Variants in C11orf87 observed in about 807,000 individuals in gnomAD.
C11orf87 encodes the protein chromosome 11 open reading frame 87.
C11orf87 carries 3 observed loss-of-function variants against 9.2 expected under a neutral mutation model. The ratio of observed to expected loss-of-function variants is 0.33; its 90% confidence interval spans 0.15 to 0.84. The LOEUF is 0.84. Ranked by LOEUF, C11orf87 falls within the 40% of genes least tolerant of loss-of-function variation. The probability of loss-of-function intolerance (pLI) is 0.55; values close to 1 mark genes in which losing one functional copy is unlikely to be tolerated. For missense variants in C11orf87, 256 were observed against 270.7 expected, an observed-to-expected ratio of 0.95 and a Z score of 0.38; for synonymous variants, 124 against 124.6, an observed-to-expected ratio of 1.00 and a Z score of 0.03.
chr11:109,429,097 A>G lies in C11orf87; in HGVS notation c.*4870A>G, dbSNP rs1565252470. ...ATTTTGTTTTGCTTTTCTATCAATA[A>G]AAGAGTTTTCTTGTTAATTGGCTTT... is the stretch of plus-strand genomic sequence containing the variant. On this transcript the variant is annotated 3_prime_UTR_variant, in exon 2 of 2. Transcript: ENST00000327419. 6.6e-6 allele frequency: 1 copy of G among 152,198 alleles called. No homozygotes were observed. The highest frequency in any genetic ancestry group is 1.5e-5 in the Non-Finnish European group (1 of 68,014). 9.4% of individuals were successfully genotyped at this position (152,198 alleles called of 1,614,324 possible). A position where few individuals can be genotyped will look rare whatever the true frequency, so the allele number is the denominator to read the frequency against.
intron 1 of C11orf87, 86 bp downstream of exon 1, chr11:109,422,349 T>C: frequency 6.1e-6 from 1 of 164,704 alleles, no homozygotes; most frequent in South Asian, 1.4e-4. Context: ...TCACGCGGCC[T>C]GAGCAGCCAC....
In C11orf87 at chr11:109,423,107, C is replaced by T. The variant is rs1200546770; in HGVS notation, c.-259-268C>T. Among the ~76,000 whole-genome samples the T allele has an allele frequency of 6.6e-6, 1 of 152,042 alleles. No homozygotes were observed. Among genetic ancestry groups the T allele is most frequent in the Non-Finnish European group, 1.5e-5 (1 of 67,998 alleles). ...GTTGCAATTATAAAGTTGTGAAGGGCGGAAGGGAGGCTGCCTTATCTGCTG... is the reference window on the plus strand; with the variant it reads ...GTTGCAATTATAAAGTTGTGAAGGGTGGAAGGGAGGCTGCCTTATCTGCTG... On this transcript the variant is annotated intron_variant, in intron 1 of 1. Transcript: ENST00000327419. This position sits in a 1 kb window ranked among gnomAD's most constrained non-coding sequence, Gnocchi z 5.3.
Position 109,424,155 on chromosome 11 carries a change from A to G in C11orf87, c.522A>G (p.Gln174=), listed in dbSNP as rs1318227586. The G allele has an allele frequency of 2.5e-6, 4 of 1,614,088 alleles. No homozygotes were observed. Among genetic ancestry groups the G allele is most frequent in the East Asian group, 2.2e-5 (1 of 44,854 alleles). Residue 174 remains glutamine, a synonymous_variant, in exon 2 of 2, where the codon CAA becomes CAG. Transcript: ENST00000327419. The surrounding 1 kb of genome is among the most constrained non-coding windows in gnomAD (Gnocchi z 4.7). ...CTCCACCGCCAGCCTCCAGTCCCCAAGGAGCACACGCAGCTTCCTCCTGTT... is the reference window on the plus strand; with the variant it reads ...CTCCACCGCCAGCCTCCAGTCCCCAGGGAGCACACGCAGCTTCCTCCTGTT... ...PPPPPPASSP[Q]GAHAASSCLD...
At position 109,424,375 on chromosome 11, in the gene C11orf87, C is replaced by T. The variant is rs1211760063; in HGVS notation, c.*148C>T. Reference sequence around the variant, plus strand: ...TGCCCTCCCCTTACTCTTGTTTCTCCTCCGCCGAGGCACTGTGCGGTATTT... The same window carrying T: ...TGCCCTCCCCTTACTCTTGTTTCTCTTCCGCCGAGGCACTGTGCGGTATTT... On this transcript the variant is annotated 3_prime_UTR_variant, in exon 2 of 2. Coordinates refer to ENST00000327419, the MANE Select transcript of C11orf87 (RefSeq NM_207645.4). This position sits in a 1 kb window ranked among gnomAD's most constrained non-coding sequence, Gnocchi z 4.7. 3 of 653,202 alleles carry T rather than the reference C, an allele frequency of 4.6e-6. No individual in the cohort carries two copies. In the African/African-American group the frequency reaches 5.5e-5, roughly 12 times the overall value. 40.5% of individuals were successfully genotyped at this position (653,202 alleles called of 1,614,324 possible). A position where few individuals can be genotyped will look rare whatever the true frequency, so the allele number is the denominator to read the frequency against.
At position 109,424,048 on chromosome 11, in the gene C11orf87, C is replaced by T. The variant is rs888032601; in HGVS notation, c.415C>T (p.Pro139Ser). 1 of 1,613,994 alleles carries T rather than the reference C, an allele frequency of 6.2e-7. No individual in the cohort carries two copies. The highest frequency in any genetic ancestry group is 1.1e-5 in the South Asian group (1 of 91,082). ...GCTGGAGAGGCAGCCCCGGGACTCT[C>T]CCTTCTGCGCCCCTTCCAACGCCTC... Reference protein sequence around the residue: ...TRLERQPRDSPFCAPSNASSL... With the variant: ...TRLERQPRDSSFCAPSNASSL... The change falls in exon 2 of 2, where the codon CCC (proline) becomes TCC (serine). Residue 139 changes from proline to serine, a missense_variant. Physicochemically the swap from Pro to Ser is moderately conservative, Grantham distance 74. Coordinates refer to ENST00000327419, the MANE Select transcript of C11orf87 (RefSeq NM_207645.4). This position sits in a 1 kb window ranked among gnomAD's most constrained non-coding sequence, Gnocchi z 4.7.
chr11:109,423,356 A>T lies in C11orf87; in HGVS notation c.-259-19A>T. The T allele has an allele frequency of 1.9e-6, 1 of 521,846 alleles. No individual in the cohort carries two copies. Among genetic ancestry groups the T allele is most frequent in the Non-Finnish European group, 3.4e-6 (1 of 297,062 alleles). The allele number at this position is 521,846 out of a possible 1,614,324, so 32.3% of individuals were successfully genotyped here. Reference sequence around the variant, plus strand: ...CTGGGCAGCGGCCGAGATTCTAACTAAGCTTTGTGTCTTTGCAGCCTGGTG... The same window carrying T: ...CTGGGCAGCGGCCGAGATTCTAACTTAGCTTTGTGTCTTTGCAGCCTGGTG... On this transcript the variant is annotated intron_variant, in intron 1 of 1. Coordinates refer to ENST00000327419, the MANE Select transcript of C11orf87 (RefSeq NM_207645.4). The surrounding 1 kb of genome is among the most constrained non-coding windows in gnomAD (Gnocchi z 5.3).
At position 109,424,058 on chromosome 11, in the gene C11orf87, C is replaced by T. The variant is rs764493462; in HGVS notation, c.425C>T (p.Ala142Val). ...ERQPRDSPFC[A>V]PSNASSLSSS... ...CAGCCCCGGGACTCTCCCTTCTGCG[C>T]CCCTTCCAACGCCTCGTCGTTGTCC... The change falls in exon 2 of 2, where the codon GCC (alanine) becomes GTC (valine). Residue 142 changes from alanine to valine, a missense_variant. Ala to Val is a moderately conservative substitution (Grantham distance 64). Transcript: ENST00000327419. The surrounding 1 kb of genome is among the most constrained non-coding windows in gnomAD (Gnocchi z 4.7). 3 of 1,613,980 alleles carry T rather than the reference C, an allele frequency of 1.9e-6. No individual in the cohort carries two copies. The South Asian group carries it at 3.3e-5, about 18-fold the overall frequency.
rs1416235313 is a variant in C11orf87 at position 109,427,639 on chromosome 11, G to C, written c.*3412G>C. ...AAACTAAATGCTTCAAACCCCTATAGCTACAGCTTAACTTCTGCACTTGCT... is the reference window on the plus strand; with the variant it reads ...AAACTAAATGCTTCAAACCCCTATACCTACAGCTTAACTTCTGCACTTGCT... On this transcript the variant is annotated 3_prime_UTR_variant, in exon 2 of 2. Coordinates refer to ENST00000327419, the MANE Select transcript of C11orf87 (RefSeq NM_207645.4). 2.0e-5 allele frequency: 3 copies of C among 152,082 alleles called. No individual in the cohort carries two copies. Among genetic ancestry groups the C allele is most frequent in the African/African-American group, 7.2e-5 (3 of 41,424 alleles). The allele number at this position is 152,082 out of a possible 1,614,324, so 9.4% of individuals were successfully genotyped here. A position where few individuals can be genotyped will look rare whatever the true frequency, so the allele number is the denominator to read the frequency against.
chr11:109,425,296 AAAG>A lies in C11orf87; in HGVS notation c.*1070_*1072del, dbSNP rs1374770792. ...AAGTTACCTTTTTTGTAAAAAAAAA[AAAG>A]TATTAGGTGATGTGCAGTACTGAAA... On this transcript the variant is annotated 3_prime_UTR_variant, in exon 2 of 2. Coordinates refer to ENST00000327419, the MANE Select transcript of C11orf87 (RefSeq NM_207645.4). The A allele has an allele frequency of 1.2e-5, 2 of 167,060 alleles. No homozygotes were observed. Among genetic ancestry groups the A allele is most frequent in the Non-Finnish European group, 2.9e-5 (2 of 68,128 alleles). The allele number at this position is 167,060 out of a possible 1,614,324, so 10.3% of individuals were successfully genotyped here. A position where few individuals can be genotyped will look rare whatever the true frequency, so the allele number is the denominator to read the frequency against.
At position 109,428,519 on chromosome 11, in the gene C11orf87, G is replaced by A. The variant is rs1860601809; in HGVS notation, c.*4292G>A. The A allele has an allele frequency of 6.6e-6, 1 of 152,088 alleles. No homozygotes were observed. The highest frequency in any genetic ancestry group is 1.5e-5 in the Non-Finnish European group (1 of 67,970). The allele number at this position is 152,088 out of a possible 1,614,324, so 9.4% of individuals were successfully genotyped here. A position where few individuals can be genotyped will look rare whatever the true frequency, so the allele number is the denominator to read the frequency against. Reference sequence around the variant, plus strand: ...TATTATGTGGAAGTTACAGGTTAAAGTAGAACCAGAAATTTTAATATAATC... The same window carrying A: ...TATTATGTGGAAGTTACAGGTTAAAATAGAACCAGAAATTTTAATATAATC... On this transcript the variant is annotated 3_prime_UTR_variant, in exon 2 of 2. Transcript: ENST00000327419.
Position 109,424,111 on chromosome 11 carries a change from G to A in C11orf87, c.478G>A (p.Gly160Ser), listed in dbSNP as rs149383935. 7.2e-4 allele frequency: 1,167 copies of A among 1,613,714 alleles called. 1 individual carries two copies. The highest frequency in any genetic ancestry group is 1.1e-3 in the Admixed American group (68 of 60,008). ...SSSSPGLPCQ[G>S]PCAPPPPPPA... ...TTCGTCCCCTGGCCTCCCGTGCCAGGGTCCCTGTGCTCCTCCGCCTCCACC... is the reference window on the plus strand; with the variant it reads ...TTCGTCCCCTGGCCTCCCGTGCCAGAGTCCCTGTGCTCCTCCGCCTCCACC... The change falls in exon 2 of 2, where the codon GGT (glycine) becomes AGT (serine). Residue 160 changes from glycine (G) to serine (S), a missense_variant. Physicochemically the swap from Gly to Ser is moderately conservative, Grantham distance 56. Transcript: ENST00000327419. This position sits in a 1 kb window ranked among gnomAD's most constrained non-coding sequence, Gnocchi z 4.7.
At position 109,424,071 on chromosome 11, in the gene C11orf87, C is replaced by T. The variant is rs1860536451; in HGVS notation, c.438C>T (p.Ala146=). The part of the protein sequence containing the change: ...RDSPFCAPSN[A]SSLSSSSPGL... Reference sequence around the variant, plus strand: ...CTCCCTTCTGCGCCCCTTCCAACGCCTCGTCGTTGTCCTCTTCGTCCCCTG... The same window carrying T: ...CTCCCTTCTGCGCCCCTTCCAACGCTTCGTCGTTGTCCTCTTCGTCCCCTG... The change falls in exon 2 of 2, where the codon GCC becomes GCT. Residue 146 remains alanine (A), a synonymous_variant. Transcript: ENST00000327419. This position sits in a 1 kb window ranked among gnomAD's most constrained non-coding sequence, Gnocchi z 4.7. 3 of 1,613,858 alleles carry T rather than the reference C, an allele frequency of 1.9e-6. No individual in the cohort carries two copies. Among genetic ancestry groups the T allele is most frequent in the African/African-American group, 1.3e-5 (1 of 74,940 alleles).
In C11orf87 at chr11:109,426,429, A is replaced by C. The variant is rs1176659244; in HGVS notation, c.*2202A>C. The C allele has an allele frequency of 6.6e-6, 1 of 152,260 alleles. No homozygotes were observed. Among genetic ancestry groups the C allele is most frequent in the Non-Finnish European group, 1.5e-5 (1 of 68,044 alleles). The allele number at this position is 152,260 out of a possible 1,614,324, so 9.4% of individuals were successfully genotyped here. ...CTCAGTTTGCATCTTTTATAAAAAT[A>C]ATTTAATAAACTTAATTTTAATCAC... is the stretch of plus-strand genomic sequence containing the variant. On this transcript the variant is annotated 3_prime_UTR_variant, in exon 2 of 2. Transcript: ENST00000327419.
Position 109,423,823 on chromosome 11 carries a change from C to G in C11orf87, c.190C>G (p.Leu64Val). 1.2e-6 allele frequency: 2 copies of G among 1,614,150 alleles called. No individual in the cohort carries two copies. Among genetic ancestry groups the G allele is most frequent in the Non-Finnish European group, 1.7e-6 (2 of 1,179,982 alleles). Residue 64 changes from leucine to valine, a missense_variant, in exon 2 of 2, where the codon CTG (leucine) becomes GTG (valine). By Grantham distance (32) the Leu-to-Val change is conservative. Coordinates refer to ENST00000327419, the MANE Select transcript of C11orf87 (RefSeq NM_207645.4). The surrounding 1 kb of genome is among the most constrained non-coding windows in gnomAD (Gnocchi z 5.3). ...CCAGTCCTTCTCCTCCACGCTGGTG[C>G]TGATTGTCCTGGTTACCCTCATCTT... The part of the protein sequence containing the change: ...LFQSFSSTLV[L>V]IVLVTLIFCL...
In C11orf87 at chr11:109,425,558, C is replaced by G. The variant is rs752510557; in HGVS notation, c.*1331C>G. On this transcript the variant is annotated 3_prime_UTR_variant, in exon 2 of 2. Coordinates refer to ENST00000327419, the MANE Select transcript of C11orf87 (RefSeq NM_207645.4). ...CTGTTTCCAGAAGTGTTCTTTTGTA[C>G]CTTATTCTGTAGTAGACTGTTATAA... 6.0e-6 allele frequency: 1 copy of G among 166,960 alleles called. No homozygotes were observed. The highest frequency in any genetic ancestry group is 6.5e-5 in the Admixed American group (1 of 15,286). The allele number at this position is 166,960 out of a possible 1,614,324, so 10.3% of individuals were successfully genotyped here. A position where few individuals can be genotyped will look rare whatever the true frequency, so the allele number is the denominator to read the frequency against.
chr11:109,424,314 C>T lies in C11orf87; in HGVS notation c.*87C>T. 9.3e-7 allele frequency: 1 copy of T among 1,073,808 alleles called. No individual in the cohort carries two copies. Among genetic ancestry groups the T allele is most frequent in the Non-Finnish European group, 1.4e-6 (1 of 731,286 alleles). The allele number at this position is 1,073,808 out of a possible 1,614,324, so 66.5% of individuals were successfully genotyped here. A position where few individuals can be genotyped will look rare whatever the true frequency, so the allele number is the denominator to read the frequency against. On this transcript the variant is annotated 3_prime_UTR_variant, in exon 2 of 2. Transcript: ENST00000327419. This position sits in a 1 kb window ranked among gnomAD's most constrained non-coding sequence, Gnocchi z 4.7. The stretch of plus-strand genomic sequence containing the variant: ...CCTTCTTCCTTCCTTTTCCATTTTC[C>T]TCTGGCCCCTCTTTCCTCTTCCTGG...
In C11orf87 at chr11:109,425,044, A is replaced by G. The variant is rs1256304391; in HGVS notation, c.*817A>G. 2 of 160,190 alleles carry G rather than the reference A, an allele frequency of 1.2e-5. No individual in the cohort carries two copies. Among genetic ancestry groups the G allele is most frequent in the African/African-American group, 2.6e-5 (1 of 38,396 alleles). The allele number at this position is 160,190 out of a possible 1,614,324, so 9.9% of individuals were successfully genotyped here. On this transcript the variant is annotated 3_prime_UTR_variant, in exon 2 of 2. Coordinates refer to ENST00000327419, the MANE Select transcript of C11orf87 (RefSeq NM_207645.4). ...CATTCCCTGCCCCGCCCCCACCCGT[A>G]CACCTTTGACTTGTGACATTTTCAG...
chr11:109,426,347 C>A lies in C11orf87; in HGVS notation c.*2120C>A, dbSNP rs879124792. Reference sequence around the variant, plus strand: ...TCTACTTGGTCCAGACATATGTGCTCTTATCCAGAGGAAACATTACCTCTA... The same window carrying A: ...TCTACTTGGTCCAGACATATGTGCTATTATCCAGAGGAAACATTACCTCTA... On this transcript the variant is annotated 3_prime_UTR_variant, in exon 2 of 2. Transcript: ENST00000327419. The A allele has an allele frequency of 6.6e-6, 1 of 152,222 alleles. No individual in the cohort carries two copies. Among genetic ancestry groups the A allele is most frequent in the Non-Finnish European group, 1.5e-5 (1 of 68,040 alleles). 9.4% of individuals were successfully genotyped at this position (152,222 alleles called of 1,614,324 possible).
chr11:109,425,394 T>C lies in C11orf87; in HGVS notation c.*1167T>C, dbSNP rs1456945442. On this transcript the variant is annotated 3_prime_UTR_variant, in exon 2 of 2. Coordinates refer to ENST00000327419, the MANE Select transcript of C11orf87 (RefSeq NM_207645.4). ...AAGTGCACCTTTGTTATATATTTAG[T>C]ATATTGGTACCAAATACAGAAAAAA... 4.8e-5 allele frequency: 8 copies of C among 167,046 alleles called. No homozygotes were observed. Among genetic ancestry groups the C allele is most frequent in the Non-Finnish European group, 8.8e-5 (6 of 68,106 alleles). The allele number at this position is 167,046 out of a possible 1,614,324, so 10.3% of individuals were successfully genotyped here.
Sources: allele counts gnomAD v4.1 joint callset (sites outside exome capture counted in the v4.1 genomes callset), GRCh38; gene constraint gnomAD v4.1.1; non-coding constraint Gnocchi (gnomAD v3.1); transcripts MANE v1.5; gene names NCBI Gene and HGNC (gene_info 2026-07-23, HGNC 2026-07-21).